SP140L: variants seen among roughly 807,000 people sequenced by gnomAD.
SP140L encodes nuclear body protein SP140-like protein.
Under a neutral mutation model 84.3 loss-of-function variants are expected in SP140L, and 64 were observed. The observed-to-expected ratio is 0.76, with a 90% CI of 0.62 to 0.94. SP140L has a LOEUF of 0.94. SP140L is among the 40% of genes least tolerant of loss of function. SP140L has a pLI of 0.00. For missense variants in SP140L, 628 were observed against 692.5 expected (o/e 0.91, Z 1.05); for synonymous variants, 242 against 236.9 (o/e 1.02, Z -0.20).
rs187842782 is a variant in SP140L at position 230,328,832 on chromosome 2, G to A, written c.107+1G>A. ...CTGCACACAGCCAAAGTCTGCAAAG[G>A]TGATGAAGAATTACAATTTGTTTTA... On this transcript the variant is annotated splice_donor_variant, in intron 2 of 18. Transcript: ENST00000415673. LOFTEE classifies it high-confidence loss of function. 273 of 1,605,622 alleles carry A rather than the reference G, an allele frequency of 1.7e-4. 3 individuals carry two copies. In the African/African-American group the frequency reaches 3.2e-3, roughly 19 times the overall value.
intron 14 of SP140L, among the ~76,000 whole-genome samples, chr2:230,398,640 C>A (rs959476457): frequency 1.4e-4 from 21 of 152,228 alleles, no homozygotes; most frequent in Admixed American, 1.4e-3. Flanking sequence ...AACGTGTATC[C>A]TCACTGGGGA....
chr2:230,397,862 A>C (rs13028885), intron 14 of SP140L, among the ~76,000 whole-genome samples: 33,868 of 152,046 alleles, frequency 0.22, 4,220 homozygotes, highest in Non-Finnish European at 0.29. Context: ...TGCGTGGCTG[A>C]TTTTGTATGA....
intron 7 of SP140L, among the ~76,000 whole-genome samples, chr2:230,382,253 C>G (rs1292134648): frequency 6.6e-6 from 1 of 151,436 alleles, no homozygotes. Context: ...TGGGCCCAGC[C>G]CCTGCCGTCT....
chr2:230,398,837 G>T (rs572587024), intron 14 of SP140L, among the ~76,000 whole-genome samples: 2 of 152,242 alleles, frequency 1.3e-5, no homozygotes. Flanking sequence ...AGGGTGGGCT[G>T]TCCCCGGCTT....
At chr2:230,381,407 G>GT (rs1361009511) in intron 7 of SP140L, among the ~76,000 whole-genome samples, 1 of 152,130 alleles carries the variant, frequency 6.6e-6, no homozygotes, top group Non-Finnish European at 1.5e-5. Context: ...CCCTGATACC[G>GT]TGAGTACAGA....
chr2:230,391,846 G>A (rs1240488330), intron 11 of SP140L: 1 of 436,864 alleles, frequency 2.3e-6, no homozygotes, highest in African/African-American at 1.9e-5. Context: ...TGCTCTTGCT[G>A]ATAACCATCA....
intron 14 of SP140L, among the ~76,000 whole-genome samples, chr2:230,398,171 T>C (rs913955696): frequency 1.3e-5 from 2 of 152,190 alleles, no homozygotes; most frequent in Non-Finnish European, 1.5e-5. Context: ...ATTAGGATTT[T>C]TTCAAGGTCC....
intron 13 of SP140L, among the ~76,000 whole-genome samples, chr2:230,394,517 C>T (rs867766791): frequency 2.0e-5 from 3 of 152,138 alleles, no homozygotes; most frequent in Non-Finnish European, 4.4e-5. Flanking sequence ...CTGGGTTTCC[C>T]GAAGGGAAAC....
chr2:230,390,058 T>C, intron 11 of SP140L, 35 bp downstream of exon 11: 1 of 1,541,954 alleles, frequency 6.5e-7, no homozygotes, highest in South Asian at 1.1e-5. Flanking sequence ...TTGCAGCTCC[T>C]ATCTGAAGGC....
chr2:230,401,028 G>A lies in SP140L; in HGVS notation c.1387G>A (p.Val463Ile), dbSNP rs2062312975. ...CCAACAGTGTTGTCAGGAATCTGAGGTCCTGGAGAGGCAGATGTGTCCTGA... is the reference window on the plus strand; with the variant it reads ...CCAACAGTGTTGTCAGGAATCTGAGATCCTGGAGAGGCAGATGTGTCCTGA... ...GSQQCCQESE[V>I]LERQMCPEEQ... The change falls in exon 16 of 19, where the codon GTC becomes ATC. Residue 463 changes from valine to isoleucine, a missense_variant. Transcript: ENST00000415673. The A allele has an allele frequency of 8.3e-6, 12 of 1,444,212 alleles. No homozygotes were observed. The highest frequency in any genetic ancestry group is 1.1e-5 in the Non-Finnish European group (12 of 1,056,674). The allele number at this position is 1,444,212 out of a possible 1,614,324, so 89.5% of individuals were successfully genotyped here. A position where few individuals can be genotyped will look rare whatever the true frequency, so the allele number is the denominator to read the frequency against.
At chr2:230,369,916 GGC>G (rs1491231344) in intron 5 of SP140L, among the ~76,000 whole-genome samples, 12 of 149,530 alleles carry the variant, frequency 8.0e-5, no homozygotes, top group South Asian at 6.2e-4. Context: ...TGGGATTACA[GGC>G]GCACGCCACC....
chr2:230,384,638 C>T (rs182817216), intron 8 of SP140L, among the ~76,000 whole-genome samples: 2 of 152,212 alleles, frequency 1.3e-5, no homozygotes, highest in South Asian at 2.1e-4. Context: ...TTTGGCCGGG[C>T]ATGGTGGCTC....
chr2:230,398,072 C>T (rs2149826950), intron 14 of SP140L, among the ~76,000 whole-genome samples: 1 of 152,006 alleles, frequency 6.6e-6, no homozygotes, highest in East Asian at 1.9e-4. Flanking sequence ...ATCTTGGAGT[C>T]ACCTGAAGAG....
At chr2:230,357,732 A>G (rs76627271) in intron 2 of SP140L, 73 bp from the exon 3 acceptor site, 25,584 of 1,478,144 alleles carry the variant, frequency 0.017, 246 homozygotes, top group Non-Finnish European at 0.021. Context: ...TCCGTTATAC[A>G]TAAAATCTTA....
At chr2:230,332,986 G>T (rs577858602) in intron 2 of SP140L, among the ~76,000 whole-genome samples, 1 of 151,944 alleles carries the variant, frequency 6.6e-6, no homozygotes, top group African/African-American at 2.4e-5. Flanking sequence ...GTAGCCTCCT[G>T]ACTAAGAGTT....
intron 9 of SP140L, among the ~76,000 whole-genome samples, chr2:230,386,451 T>A (rs1257855061): frequency 1.3e-5 from 2 of 152,218 alleles, no homozygotes; most frequent in African/African-American, 4.8e-5. Context: ...TTCTAGAGGT[T>A]AATACCAACC....
rs1250113800 is a variant in SP140L at position 230,361,616 on chromosome 2, A to G, written c.442A>G (p.Ile148Val). 1.9e-6 allele frequency: 3 copies of G among 1,557,662 alleles called. No homozygotes were observed. Among genetic ancestry groups the G allele is most frequent in the Admixed American group, 1.9e-5 (1 of 51,732 alleles). The change falls in exon 5 of 19, where the codon ATC becomes GTC. Residue 148 changes from isoleucine (I) to valine (V), a missense_variant and splice_region_variant. By Grantham distance (29) the Ile-to-Val change is conservative (BLOSUM62 3). Coordinates refer to ENST00000415673, the MANE Select transcript of SP140L (RefSeq NM_138402.6). ...TTCTTCTCTCTCCCACTCTTCAGCA[A>G]TCCAAGACAAATTGTCTTTCCAAGA... ...IHIYKSFKNA[I>V]QDKLSFQESD...
intron 7 of SP140L, among the ~76,000 whole-genome samples, chr2:230,382,749 C>T (rs2061448956): frequency 6.6e-6 from 1 of 152,226 alleles, no homozygotes; most frequent in Non-Finnish European, 1.5e-5. Context: ...CCACTTTTGT[C>T]CTGGTCACTA....
At chr2:230,397,178 G>A (rs1052681309) in intron 14 of SP140L, among the ~76,000 whole-genome samples, 4 of 152,220 alleles carry the variant, frequency 2.6e-5, no homozygotes, top group Non-Finnish European at 5.9e-5. Flanking sequence ...GCATTCTCAA[G>A]TAAGGGGTAT....
Sources: allele counts gnomAD v4.1 joint callset (sites outside exome capture counted in the v4.1 genomes callset), GRCh38; gene constraint gnomAD v4.1.1; transcripts MANE v1.5; gene names NCBI Gene and HGNC (gene_info 2026-07-23, HGNC 2026-07-21).